The following CADPS variants were observed in gnomAD, a reference collection of about 807,000 sequenced individuals.
The protein encoded by CADPS is calcium-dependent secretion activator 1.
CADPS carries 57 observed loss-of-function variants against 167.3 expected under a neutral mutation model. The ratio of observed to expected loss-of-function variants is 0.34; its 90% CI spans 0.28 to 0.42. The LOEUF is 0.42. Among genes scored for constraint, CADPS ranks in the 20% least tolerant of loss-of-function variants. The probability of loss-of-function intolerance (pLI) is 1.00; values close to 1 mark genes in which losing one functional copy is unlikely to be tolerated. For synonymous variants in CADPS, 676 were observed against 635.3 expected (o/e 1.06, Z -0.96); for missense variants, 1,414 against 1,738.1 (o/e 0.81, Z 3.32).
intron 6 of CADPS, among the ~76,000 whole-genome samples, chr3:62,604,864 G>A (rs538520353): frequency 6.6e-6 from 1 of 152,204 alleles, no homozygotes; most frequent in Non-Finnish European, 1.5e-5. Flanking sequence ...CCGCATGGCA[G>A]ACATAAAAAG....
intron 1 of CADPS, among the ~76,000 whole-genome samples, chr3:62,833,308 G>T (rs1450865948): frequency 2.0e-5 from 3 of 151,718 alleles, no homozygotes; most frequent in African/African-American, 4.8e-5. Flanking sequence ...CACCATGCCT[G>T]GCTAACTTAT....
intron 1 of CADPS, among the ~76,000 whole-genome samples, chr3:62,865,969 TAAAC>T (rs1468366940): frequency 6.6e-6 from 1 of 152,142 alleles, no homozygotes; most frequent in African/African-American, 2.4e-5. Context: ...GATGGTAAAT[TAAAC>T]AGCCTAATTT....
intron 17 of CADPS, among the ~76,000 whole-genome samples, chr3:62,502,304 ATTT>A (rs545359923): frequency 6.9e-6 from 1 of 144,448 alleles, no homozygotes; most frequent in Admixed American, 7.0e-5. Flanking sequence ...CTTAGAAGTG[ATTT>A]TTTTTTTTTT....
chr3:62,811,833 TAAAAC>T (rs1287293844), intron 1 of CADPS, among the ~76,000 whole-genome samples: 3 of 152,190 alleles, frequency 2.0e-5, no homozygotes, highest in Non-Finnish European at 4.4e-5. Flanking sequence ...TTTATAAACT[TAAAAC>T]AACAAAAAGG....
chr3:62,575,050 C>T (rs2082014426), intron 8 of CADPS, among the ~76,000 whole-genome samples: 1 of 152,142 alleles, frequency 6.6e-6, no homozygotes, highest in South Asian at 2.1e-4. Flanking sequence ...ATTGTAACAG[C>T]CTCACACTTT....
At chr3:62,695,010 C>T (rs967000356) in intron 3 of CADPS, among the ~76,000 whole-genome samples, 1 of 152,086 alleles carries the variant, frequency 6.6e-6, no homozygotes, top group African/African-American at 2.4e-5. Flanking sequence ...ATTGTCTTCC[C>T]ATCCTGCAAC....
intron 1 of CADPS, among the ~76,000 whole-genome samples, chr3:62,829,239 A>T (rs547145418): frequency 2.6e-5 from 4 of 152,326 alleles, no homozygotes; most frequent in East Asian, 3.9e-4. Context: ...AAATATTTTT[A>T]AAAATAAAAC....
chr3:62,874,487 C>T lies in CADPS; in HGVS notation c.441+102G>A. 1 of 919,810 alleles carries T rather than the reference C, an allele frequency of 1.1e-6. No homozygotes were observed. Among genetic ancestry groups the T allele is most frequent in the South Asian group, 1.6e-5 (1 of 62,598 alleles). The allele number at this position is 919,810 out of a possible 1,614,324, so 57.0% of individuals were successfully genotyped here. ...TTTCCCCAGGGCGCGGTCTCCACCT[C>T]TCCTGCTCCTCCTCGCCAGCTGCGC... On this transcript the variant is annotated intron_variant, in intron 1 of 29. Transcript: ENST00000383710. This position sits in a 1 kb window ranked among gnomAD's most constrained non-coding sequence, Gnocchi z 7.1.
At chr3:62,547,097 A>G (rs1181689708) in intron 11 of CADPS, among the ~76,000 whole-genome samples, 3 of 152,324 alleles carry the variant, frequency 2.0e-5, no homozygotes, top group Non-Finnish European at 4.4e-5. Context: ...CAGAAGCCAC[A>G]CTGGCTGGTA....
chr3:62,427,904 G>A (rs2053088451), intron 28 of CADPS, among the ~76,000 whole-genome samples: 1 of 152,054 alleles, frequency 6.6e-6, no homozygotes, highest in African/African-American at 2.4e-5. Context: ...AATAATGAGA[G>A]GGGCTTTATA....
intron 1 of CADPS, among the ~76,000 whole-genome samples, chr3:62,864,021 A>C (rs960920666): frequency 3.1e-4 from 47 of 152,200 alleles, no homozygotes; most frequent in African/African-American, 1.1e-3. Flanking sequence ...ACTACTTCTT[A>C]TTGGCCCTCA....
At chr3:62,442,447 G>A (rs2149856723) in intron 27 of CADPS, among the ~76,000 whole-genome samples, 1 of 152,168 alleles carries the variant, frequency 6.6e-6, no homozygotes, top group South Asian at 2.1e-4. Context: ...TTGAACTCCT[G>A]AACTCAGGTG....
intron 3 of CADPS, among the ~76,000 whole-genome samples, chr3:62,731,180 TCA>T (rs756257653): frequency 1.3e-5 from 2 of 152,224 alleles, no homozygotes; most frequent in Non-Finnish European, 2.9e-5. Flanking sequence ...TATCTGTATT[TCA>T]GTCTCCTGTA....
intron 8 of CADPS, among the ~76,000 whole-genome samples, chr3:62,581,725 CA>C (rs1172332041): frequency 6.6e-6 from 1 of 151,724 alleles, no homozygotes; most frequent in African/African-American, 2.4e-5. Context: ...AGAAAAATGT[CA>C]AGGATTACTT....
At chr3:62,584,066 G>A (rs1190371954) in intron 8 of CADPS, among the ~76,000 whole-genome samples, 2 of 149,198 alleles carry the variant, frequency 1.3e-5, no homozygotes, top group Non-Finnish European at 1.5e-5. Context: ...GTGCAGTGGT[G>A]CAATCTTGGC....
chr3:62,702,200 G>A (rs1052525525), intron 3 of CADPS, among the ~76,000 whole-genome samples: 2 of 152,032 alleles, frequency 1.3e-5, no homozygotes, highest in South Asian at 2.1e-4. Flanking sequence ...CCTTAACCTT[G>A]GCCAAATAAA....
chr3:62,685,740 A>C (rs1304512533), intron 3 of CADPS, among the ~76,000 whole-genome samples: 2 of 151,292 alleles, frequency 1.3e-5, no homozygotes, highest in Non-Finnish European at 2.9e-5. Context: ...TTTTCACCTC[A>C]CATCATCAGG....
chr3:62,568,267 T>C (rs947738715), intron 9 of CADPS, among the ~76,000 whole-genome samples: 1 of 152,206 alleles, frequency 6.6e-6, no homozygotes, highest in Non-Finnish European at 1.5e-5. Flanking sequence ...GTACTGTTTC[T>C]GGGTGTGTCT....
intron 28 of CADPS, among the ~76,000 whole-genome samples, chr3:62,408,755 T>C (rs569101147): frequency 6.6e-6 from 1 of 152,328 alleles, no homozygotes; most frequent in East Asian, 1.9e-4. Flanking sequence ...GAACAAGCCA[T>C]ATATCACAGA....
Sources: gnomAD v4.1 joint callset for allele counts (sites outside exome capture counted in the v4.1 genomes callset) on GRCh38, gnomAD v4.1.1 for gene constraint, Gnocchi (gnomAD v3.1) non-coding constraint, MANE v1.5 for transcripts, NCBI Gene and HGNC (gene_info 2026-07-23, HGNC 2026-07-21) for gene names.